The following KMT2C variants were observed in gnomAD, a reference collection of about 807,000 sequenced individuals.
The protein encoded by KMT2C is histone-lysine N-methyltransferase 2C.
A neutral mutation model predicts 507.9 loss-of-function variants in KMT2C; 88 were observed. The observed-to-expected ratio is 0.17, with a 90% CI of 0.15 to 0.21. The LOEUF (loss-of-function observed/expected upper bound fraction) is 0.21. Ranked by LOEUF, KMT2C falls within the 10% of genes least tolerant of loss-of-function variation. The pLI is 1.00. For missense variants in KMT2C, 4,954 were observed against 5,957.8 expected (o/e 0.83, Z 5.55); for synonymous variants, 2,049 against 2,080.8 (o/e 0.98, Z 0.42).
intron 6 of KMT2C, among the ~76,000 whole-genome samples, chr7:152,292,231 T>C (rs2096439012): frequency 6.6e-6 from 1 of 152,212 alleles, no homozygotes; most frequent in African/African-American, 2.4e-5. Context: ...GTGTTACATA[T>C]AAAGTCCACT....
intron 23 of KMT2C, among the ~76,000 whole-genome samples, chr7:152,209,145 G>C (rs1280866505): frequency 7.6e-6 from 1 of 130,946 alleles, no homozygotes; most frequent in Non-Finnish European, 1.6e-5. Context: ...AGCAGCAAGA[G>C]TGAAATTCCA....
intron 38 of KMT2C, among the ~76,000 whole-genome samples, chr7:152,174,942 G>A (rs2093131001): frequency 6.6e-6 from 1 of 152,184 alleles, no homozygotes; most frequent in South Asian, 2.1e-4. Context: ...CAAAAGGACA[G>A]TAAGAAGCTT....
chr7:152,246,392 T>C (rs2095473810), intron 14 of KMT2C, among the ~76,000 whole-genome samples: 1 of 151,828 alleles, frequency 6.6e-6, no homozygotes. Context: ...CTCAGCAAAA[T>C]ACTAGGACAT....
chr7:152,411,357 A>T (rs1262546174), intron 1 of KMT2C, among the ~76,000 whole-genome samples: 1 of 152,156 alleles, frequency 6.6e-6, no homozygotes, highest in Non-Finnish European at 1.5e-5. Context: ...CTCCCAATCA[A>T]GTCCGACAAC....
intron 32 of KMT2C, 26 bp downstream of exon 32, chr7:152,187,689 G>A (rs749644197): frequency 6.2e-7 from 1 of 1,600,168 alleles, no homozygotes; most frequent in Non-Finnish European, 8.5e-7. Context: ...TGCAATTTAA[G>A]TTTCCATAGA....
chr7:152,140,048 G>A (rs915074084), intron 55 of KMT2C, among the ~76,000 whole-genome samples: 2 of 152,276 alleles, frequency 1.3e-5, no homozygotes, highest in African/African-American at 4.8e-5. Flanking sequence ...AAGTAGTACT[G>A]TGGCTTGGCT....
chr7:152,222,827 A>C, intron 20 of KMT2C, 145 bp from the exon 21 acceptor site: 1 of 598,226 alleles, frequency 1.7e-6, no homozygotes, highest in Non-Finnish European at 3.0e-6. Context: ...TCTCCTAACT[A>C]TCTCTATTAA....
chr7:152,368,503 C>T, intron 1 of KMT2C: 1 of 1,319,908 alleles, frequency 7.6e-7, no homozygotes, highest in Non-Finnish European at 1.1e-6. Flanking sequence ...GCGCCGTGAG[C>T]TAATGAAAAA....
chr7:152,250,486 C>G (rs1291810615), intron 12 of KMT2C, among the ~76,000 whole-genome samples: 6 of 152,018 alleles, frequency 3.9e-5, no homozygotes, highest in East Asian at 1.9e-4. Flanking sequence ...TGAAATAACC[C>G]TCAATAGGAC....
intron 7 of KMT2C, among the ~76,000 whole-genome samples, chr7:152,269,225 GTTCT>G (rs2095913635): frequency 6.6e-6 from 1 of 152,150 alleles, no homozygotes; most frequent in African/African-American, 2.4e-5. Context: ...ACCTTGCTGT[GTTCT>G]TTGATTACTA....
intron 3 of KMT2C, among the ~76,000 whole-genome samples, chr7:152,321,070 C>A (rs146168717): frequency 0.025 from 3,794 of 151,854 alleles, 158 homozygotes; most frequent in African/African-American, 0.086. Flanking sequence ...CCCGTCTCTA[C>A]TAAAAATACA....
At chr7:152,382,350 AACGGCC>A (rs2097381998) in intron 1 of KMT2C, among the ~76,000 whole-genome samples, 1 of 152,172 alleles carries the variant, frequency 6.6e-6, no homozygotes, top group African/African-American at 2.4e-5. Context: ...CCTTATTTAT[AACGGCC>A]CCTATTTGCC....
At chr7:152,241,788 C>A (rs2095391182) in intron 14 of KMT2C, among the ~76,000 whole-genome samples, 1 of 152,058 alleles carries the variant, frequency 6.6e-6, no homozygotes. Flanking sequence ...GTAGACAGTT[C>A]TCAAAAATAT....
chr7:152,391,241 GTTTGTTTTTTT>G (rs1025210889), intron 1 of KMT2C, among the ~76,000 whole-genome samples: 2 of 125,904 alleles, frequency 1.6e-5, no homozygotes, highest in African/African-American at 5.9e-5. Context: ...TTTGTTTTTT[GTTTGTTTTTTT>G]GTTTTTGAGA....
intron 6 of KMT2C, among the ~76,000 whole-genome samples, chr7:152,276,467 T>C (rs1202681193): frequency 6.6e-6 from 1 of 152,114 alleles, no homozygotes; most frequent in African/African-American, 2.4e-5. Flanking sequence ...AGTAAACAGC[T>C]CTTGGCCGGG....
At chr7:152,215,010 T>C (rs956655156) in intron 23 of KMT2C, among the ~76,000 whole-genome samples, 3 of 151,902 alleles carry the variant, frequency 2.0e-5, no homozygotes, top group South Asian at 4.1e-4. Context: ...TGTTTGACCA[T>C]AGTAATCATT....
rs2095574045 is a variant in KMT2C at position 152,252,232 on chromosome 7, A to G, written c.1470-142T>C. On this transcript the variant is annotated intron_variant, in intron 10 of 58. Coordinates refer to ENST00000262189, the MANE Select transcript of KMT2C (RefSeq NM_170606.3). Reference sequence around the variant, plus strand: ...GAGGTTAGAGGAGTTGCTAACTGACAAAGGTTTTTTAAAGCACATTTGTGC... The same window carrying G: ...GAGGTTAGAGGAGTTGCTAACTGACGAAGGTTTTTTAAAGCACATTTGTGC... 4 of 624,940 alleles carry G rather than the reference A, an allele frequency of 6.4e-6. No individual in the cohort carries two copies. In the East Asian group the frequency reaches 1.1e-4, roughly 18 times the overall value. 38.7% of individuals were successfully genotyped at this position (624,940 alleles called of 1,614,324 possible). A position where few individuals can be genotyped will look rare whatever the true frequency, so the allele number is the denominator to read the frequency against.
chr7:152,356,894 A>AAAG (rs958443593), intron 2 of KMT2C, among the ~76,000 whole-genome samples: 35 of 72,182 alleles, frequency 4.8e-4, no homozygotes, highest in East Asian at 2.6e-3. Flanking sequence ...TCCAACTCAA[A>AAAG]AAGAATAATA....
intron 49 of KMT2C, 28 bp from the exon 50 acceptor site, chr7:152,151,609 T>C (rs780474540): frequency 8.7e-6 from 14 of 1,605,400 alleles, no homozygotes; most frequent in Admixed American, 3.4e-5. Flanking sequence ...TTGTTAGTAA[T>C]TAAAACTGAC....
Sources: gnomAD v4.1 joint callset for allele counts (sites outside exome capture counted in the v4.1 genomes callset) on GRCh38, gnomAD v4.1.1 for gene constraint, MANE v1.5 for transcripts, NCBI Gene and HGNC (gene_info 2026-07-23, HGNC 2026-07-21) for gene names.